KCNIP4: variants seen among roughly 807,000 people sequenced by gnomAD.
KCNIP4 encodes the protein Kv channel-interacting protein 4.
Under a neutral mutation model 34.0 loss-of-function variants are expected in KCNIP4, and 12 were observed. The ratio of observed to expected loss-of-function variants is 0.35; its 90% CI spans 0.23 to 0.57. The LOEUF is 0.57. KCNIP4 is among the 20% of genes least tolerant of loss of function. The pLI, the probability that KCNIP4 is intolerant of heterozygous loss-of-function variation, is 0.83. For missense variants in KCNIP4, 238 were observed against 311.7 expected, an observed-to-expected ratio of 0.76 and a Z score of 1.78; for synonymous variants, 124 against 102.2, an observed-to-expected ratio of 1.21 and a Z score of -1.29.
intron 1 of KCNIP4, among the ~76,000 whole-genome samples, chr4:21,566,756 T>C (rs1050336823): frequency 1.3e-5 from 2 of 152,124 alleles, no homozygotes; most frequent in Non-Finnish European, 2.9e-5. Context: ...AGCTTCCATT[T>C]CAGGTGGATT....
At chr4:21,551,658 A>T (rs1393710357) in intron 1 of KCNIP4, among the ~76,000 whole-genome samples, 1 of 150,378 alleles carries the variant, frequency 6.6e-6, no homozygotes, top group Non-Finnish European at 1.5e-5. Context: ...TCTCTCTTGG[A>T]GAGGGCACAT....
intron 1 of KCNIP4, among the ~76,000 whole-genome samples, chr4:21,021,859 CGTATA>C (rs148164124): frequency 0.15 from 21,896 of 145,732 alleles, 1,643 homozygotes; most frequent in Admixed American, 0.18. Flanking sequence ...AGTATAGTAT[CGTATA>C]GTATAGTATA....
intron 2 of KCNIP4, among the ~76,000 whole-genome samples, chr4:20,871,953 G>T (rs1359936540): frequency 1.3e-5 from 2 of 152,056 alleles, no homozygotes; most frequent in African/African-American, 4.8e-5. Context: ...GCAAAACAAA[G>T]CATGAAAATT....
At chr4:20,946,427 T>C (rs986231936) in intron 1 of KCNIP4, among the ~76,000 whole-genome samples, 6 of 152,034 alleles carry the variant, frequency 3.9e-5, no homozygotes, top group African/African-American at 1.4e-4. Flanking sequence ...GGTGAGCAAA[T>C]GCAGAAGACG....
At chr4:20,969,546 G>T (rs1734713288) in intron 1 of KCNIP4, among the ~76,000 whole-genome samples, 1 of 145,510 alleles carries the variant, frequency 6.9e-6, no homozygotes, top group Non-Finnish European at 1.5e-5. Flanking sequence ...CAAATTTGCT[G>T]CGTGTGTGTT....
chr4:21,360,929 T>G (rs1719153333), intron 1 of KCNIP4, among the ~76,000 whole-genome samples: 1 of 152,156 alleles, frequency 6.6e-6, no homozygotes, highest in Non-Finnish European at 1.5e-5. Flanking sequence ...CAAATCCATT[T>G]AATTTTGCTT....
intron 1 of KCNIP4, among the ~76,000 whole-genome samples, chr4:21,018,073 T>C (rs368190036): frequency 6.6e-6 from 1 of 152,230 alleles, no homozygotes; most frequent in Admixed American, 6.5e-5. Context: ...ATGTAAATCA[T>C]GCTTTGAAAA....
At chr4:21,278,160 A>C (rs1167095853) in intron 1 of KCNIP4, among the ~76,000 whole-genome samples, 1 of 152,174 alleles carries the variant, frequency 6.6e-6, no homozygotes, top group African/African-American at 2.4e-5. Context: ...AGCAAATCAG[A>C]AGAGGATGTG....
intron 1 of KCNIP4, among the ~76,000 whole-genome samples, chr4:20,886,222 C>T (rs775523237): frequency 2.0e-5 from 3 of 152,140 alleles, no homozygotes; most frequent in Admixed American, 6.6e-5. Context: ...CAACATAGAA[C>T]TGTGATGCTT....
At chr4:21,605,316 G>T (rs1743554071) in intron 1 of KCNIP4, among the ~76,000 whole-genome samples, 1 of 152,132 alleles carries the variant, frequency 6.6e-6, no homozygotes, top group African/African-American at 2.4e-5. Flanking sequence ...TTCCTTGGAG[G>T]CTATAGGCTT....
At chr4:21,866,707 A>G (rs1396547078) in intron 1 of KCNIP4, among the ~76,000 whole-genome samples, 10 of 151,966 alleles carry the variant, frequency 6.6e-5, no homozygotes, top group Non-Finnish European at 1.3e-4. Flanking sequence ...GAAAAATGTA[A>G]AACTCTCAAT....
chr4:21,896,179 T>C (rs1727374360), intron 1 of KCNIP4, among the ~76,000 whole-genome samples: 1 of 152,180 alleles, frequency 6.6e-6, no homozygotes, highest in Non-Finnish European at 1.5e-5. Flanking sequence ...AATTTCACTA[T>C]TTGCCAGGCA....
At chr4:21,696,638 C>A (rs1022176390) in intron 1 of KCNIP4, among the ~76,000 whole-genome samples, 1 of 151,998 alleles carries the variant, frequency 6.6e-6, no homozygotes, top group Non-Finnish European at 1.5e-5. Context: ...GACGGCATTG[C>A]CTAGGAATTT....
At chr4:20,860,571 G>T (rs938243300) in intron 2 of KCNIP4, among the ~76,000 whole-genome samples, 2 of 152,154 alleles carry the variant, frequency 1.3e-5, no homozygotes, top group Admixed American at 1.3e-4. Context: ...AATTCAGCCT[G>T]CTTGACTTAT....
rs569626619 is a variant in KCNIP4, at chr4:21,001,493, G to A, written c.62-118784C>T. Among the ~76,000 whole-genome samples, 10 of 152,302 alleles carry A rather than the reference G, an allele frequency of 6.6e-5. No individual in the cohort carries two copies. The East Asian group carries it at 1.9e-3, about 29-fold the overall frequency. On this transcript the variant is annotated intron_variant, in intron 1 of 8. Coordinates refer to ENST00000382152, the MANE Select transcript of KCNIP4 (RefSeq NM_025221.6). ...GAACTGGGCGAGGCTGAATTGCCCT[G>A]CCTAATAGAGGAAGGTGGGATTTGA...
chr4:21,720,526 TTTTC>T (rs1346090054), intron 1 of KCNIP4, among the ~76,000 whole-genome samples: 7 of 107,518 alleles, frequency 6.5e-5, no homozygotes, highest in African/African-American at 3.5e-4. Flanking sequence ...ATTCTGTTTT[TTTTC>T]TTTTTTTTTT....
intron 1 of KCNIP4, among the ~76,000 whole-genome samples, chr4:21,126,961 T>G (rs1750671469): frequency 6.6e-6 from 1 of 152,240 alleles, no homozygotes; most frequent in South Asian, 2.1e-4. Flanking sequence ...AGGTCAGGCA[T>G]GAATAGCAAG....
At chr4:21,728,791 G>A (rs960483054) in intron 1 of KCNIP4, among the ~76,000 whole-genome samples, 1 of 152,096 alleles carries the variant, frequency 6.6e-6, no homozygotes, top group African/African-American at 2.4e-5. Context: ...TTCTTAAGGA[G>A]ATCTCTATGT....
Position 21,391,197 on chromosome 4 carries a change from G to A in KCNIP4, c.62-508488C>T, listed in dbSNP as rs1495507. Among the ~76,000 whole-genome samples the A allele has an allele frequency of 9.3e-3, 1,421 of 152,134 alleles. 26 individuals carry two copies. The highest frequency in any genetic ancestry group is 0.033 in the African/African-American group (1,350 of 41,506). ...ATTAAGTAATTTCTATACTTAGTCA[G>A]TACTTAAAGAGTACCTACTATGTTC... On this transcript the variant is annotated intron_variant, in intron 1 of 8. Coordinates refer to ENST00000382152, the MANE Select transcript of KCNIP4 (RefSeq NM_025221.6).
Sources: gnomAD v4.1 joint callset for allele counts (sites outside exome capture counted in the v4.1 genomes callset) on GRCh38, gnomAD v4.1.1 for gene constraint, MANE v1.5 for transcripts, NCBI Gene and HGNC (gene_info 2026-07-23, HGNC 2026-07-21) for gene names.